DPY19L2: variants seen among roughly 807,000 people sequenced by gnomAD.
The protein encoded by DPY19L2 is dpy-19 like 2.
Under a neutral mutation model 97.9 loss-of-function variants are expected in DPY19L2, and 34 were observed. That is an observed-to-expected ratio of 0.35 (90% CI 0.26 to 0.46). DPY19L2 has a LOEUF of 0.46. DPY19L2 is among the 20% of genes least tolerant of loss of function. The pLI is 1.00. For missense variants in DPY19L2, 623 were observed against 911.4 expected (o/e 0.68, Z 4.07); for synonymous variants, 230 against 307.9 (o/e 0.75, Z 2.65).
intron 20 of DPY19L2, among the ~76,000 whole-genome samples, chr12:63,570,101 T>C (rs1878519418): frequency 6.6e-6 from 1 of 152,114 alleles, no homozygotes; most frequent in African/African-American, 2.4e-5. Context: ...ATTTAAACAT[T>C]TGCCTCTAAC....
chr12:63,611,083 C>T (rs1160871453), intron 11 of DPY19L2, among the ~76,000 whole-genome samples: 3 of 151,616 alleles, frequency 2.0e-5, no homozygotes, highest in Admixed American at 1.3e-4. Flanking sequence ...AAAACTAAAC[C>T]AGAAGTAACA....
chr12:63,613,917 G>A (rs963611754), intron 11 of DPY19L2, among the ~76,000 whole-genome samples: 55 of 152,162 alleles, frequency 3.6e-4, no homozygotes, highest in Non-Finnish European at 6.3e-4. Context: ...ACAGCTGGGC[G>A]TGGTGGCTGA....
chr12:63,637,050 G>T (rs2138035797), intron 6 of DPY19L2, among the ~76,000 whole-genome samples: 1 of 152,214 alleles, frequency 6.6e-6, no homozygotes, highest in East Asian at 1.9e-4. Flanking sequence ...GCACTCCTCA[G>T]CAAATGTAAA....
chr12:63,593,515 T>C (rs2137491595), intron 16 of DPY19L2, among the ~76,000 whole-genome samples: 1 of 152,178 alleles, frequency 6.6e-6, no homozygotes, highest in South Asian at 2.1e-4. Context: ...TTGGAAATCA[T>C]CATTCTCAGT....
At chr12:63,593,426 G>A (rs1021865572) in intron 16 of DPY19L2, among the ~76,000 whole-genome samples, 1 of 152,104 alleles carries the variant, frequency 6.6e-6, no homozygotes, top group African/African-American at 2.4e-5. Flanking sequence ...TTAAGAAAAT[G>A]TGGCACATAT....
chr12:63,583,302 T>A (rs1188637492), intron 17 of DPY19L2, among the ~76,000 whole-genome samples: 2 of 152,232 alleles, frequency 1.3e-5, no homozygotes, highest in African/African-American at 2.4e-5. Context: ...CAGCCCACAC[T>A]GATCTTTTCC....
chr12:63,639,085 CA>C (rs1413053983), intron 6 of DPY19L2, among the ~76,000 whole-genome samples: 3 of 152,136 alleles, frequency 2.0e-5, no homozygotes, highest in Non-Finnish European at 4.4e-5. Context: ...ACAAACTTGA[CA>C]AAAACAAGCA....
chr12:63,637,379 G>T (rs901789055), intron 6 of DPY19L2, among the ~76,000 whole-genome samples: 2 of 151,824 alleles, frequency 1.3e-5, no homozygotes, highest in Non-Finnish European at 2.9e-5. Flanking sequence ...AAAAGAAGGA[G>T]ATAGAGACAC....
At chr12:63,657,895 A>G (rs1895178815) in intron 4 of DPY19L2, among the ~76,000 whole-genome samples, 1 of 152,214 alleles carries the variant, frequency 6.6e-6, no homozygotes, top group Admixed American at 6.5e-5. Flanking sequence ...ATTCAAAAGC[A>G]TCTATCTCAG....
intron 4 of DPY19L2, among the ~76,000 whole-genome samples, chr12:63,650,967 C>G: frequency 6.6e-6 from 1 of 152,114 alleles, no homozygotes; most frequent in East Asian, 1.9e-4. Context: ...GCAAAAAGGA[C>G]AAAGCCAGAG....
At chr12:63,643,622 A>G (rs1419209312) in intron 6 of DPY19L2, among the ~76,000 whole-genome samples, 1 of 152,202 alleles carries the variant, frequency 6.6e-6, no homozygotes, top group East Asian at 1.9e-4. Context: ...ATGAAAGATA[A>G]GCATCTGTTG....
intron 18 of DPY19L2, among the ~76,000 whole-genome samples, chr12:63,581,644 C>T (rs1468817514): frequency 6.6e-5 from 10 of 151,176 alleles, no homozygotes; most frequent in East Asian, 1.9e-4. Context: ...CCACCATGCC[C>T]GGCTAATTTT....
rs1887862672 is a variant in DPY19L2, at chr12:63,616,568, CT to C, written c.1218+735del. On this transcript the variant is annotated intron_variant, in intron 11 of 21. Coordinates refer to ENST00000324472, the MANE Select transcript of DPY19L2 (RefSeq NM_173812.5). ...GAGGTACAGGAGAATATTCTAGGTTCTGGCTTATAGATATCAGAAGTATAAC... is the reference window on the plus strand; with the variant it reads ...GAGGTACAGGAGAATATTCTAGGTTCGGCTTATAGATATCAGAAGTATAAC... Among the ~76,000 whole-genome samples the C allele has an allele frequency of 3.3e-5, 5 of 152,100 alleles. No individual in the cohort carries two copies. In the South Asian group the frequency reaches 1.0e-3, roughly 32 times the overall value.
chr12:63,621,775 A>G (rs927411632), intron 8 of DPY19L2, among the ~76,000 whole-genome samples: 20 of 152,188 alleles, frequency 1.3e-4, no homozygotes, highest in African/African-American at 4.8e-4. Context: ...TGACAAAGTA[A>G]TAAGTTAAAA....
chr12:63,618,485 T>G (rs1186476186), intron 9 of DPY19L2, among the ~76,000 whole-genome samples: 1 of 152,186 alleles, frequency 6.6e-6, no homozygotes, highest in African/African-American at 2.4e-5. Flanking sequence ...GATGGCAATC[T>G]ATACCGATGA....
Position 63,631,600 on chromosome 12 carries a change from A to G in DPY19L2, c.804-5074T>C, listed in dbSNP as rs12798430. Reference sequence around the variant, plus strand: ...GCCTACCAACCAAAAAAAGTCCAGGACCAGACAGAGTCACAGCCCAATTCT... The same window carrying G: ...GCCTACCAACCAAAAAAAGTCCAGGGCCAGACAGAGTCACAGCCCAATTCT... On this transcript the variant is annotated intron_variant, in intron 6 of 21. Coordinates refer to ENST00000324472, the MANE Select transcript of DPY19L2 (RefSeq NM_173812.5). Among the ~76,000 whole-genome samples the G allele has an allele frequency of 8.2e-3, 1,254 of 152,202 alleles. 13 individuals carry two copies. Among genetic ancestry groups the G allele is most frequent in the Middle Eastern group, 0.017 (5 of 294 alleles).
intron 3 of DPY19L2, among the ~76,000 whole-genome samples, chr12:63,662,452 A>G (rs2532206): frequency 0.74 from 111,505 of 151,046 alleles, 42,280 homozygotes; most frequent in African/African-American, 0.9. Context: ...AACAATTAAA[A>G]GATATCTAAT....
intron 12 of DPY19L2, among the ~76,000 whole-genome samples, chr12:63,606,892 C>G (rs1226266265): frequency 6.6e-6 from 1 of 152,112 alleles, no homozygotes; most frequent in African/African-American, 2.4e-5. Context: ...ACTGGAGTCT[C>G]CCATTAAACA....
intron 6 of DPY19L2, among the ~76,000 whole-genome samples, chr12:63,627,599 C>T (rs953239154): frequency 1.3e-5 from 2 of 152,202 alleles, no homozygotes; most frequent in African/African-American, 4.8e-5. Flanking sequence ...ATCCGGCCAC[C>T]TCAGCCTCCC....
Sources: gnomAD v4.1 joint callset for allele counts (sites outside exome capture counted in the v4.1 genomes callset) on GRCh38, gnomAD v4.1.1 for gene constraint, MANE v1.5 for transcripts, NCBI Gene and HGNC (gene_info 2026-07-23, HGNC 2026-07-21) for gene names.